The following NRXN1 variants were observed in gnomAD, a reference collection of about 807,000 sequenced individuals.
NRXN1 encodes the protein neurexin 1, also known as neurexin-1.
A neutral mutation model predicts 150.9 loss-of-function variants in NRXN1; 39 were observed. That is an observed-to-expected ratio of 0.26 (90% CI 0.20 to 0.34). The LOEUF (loss-of-function observed/expected upper bound fraction) is 0.34, where lower values mean the gene tolerates loss of function less well. NRXN1 is among the 10% of genes least tolerant of loss of function. NRXN1 has a pLI of 1.00. For missense variants in NRXN1, 1,815 were observed against 1,949.9 expected (o/e 0.93, Z 1.30); for synonymous variants, 924 against 757.0 (o/e 1.22, Z -3.62).
intron 5 of NRXN1, among the ~76,000 whole-genome samples, chr2:50,899,929 A>G (rs911095625): frequency 1.3e-5 from 2 of 152,192 alleles, no homozygotes; most frequent in Non-Finnish European, 2.9e-5. Flanking sequence ...GTCATGGGAG[A>G]TACAGAAGAT....
chr2:50,477,586 G>T (rs553292806), intron 15 of NRXN1, among the ~76,000 whole-genome samples: 88 of 152,324 alleles, frequency 5.8e-4, no homozygotes, highest in Non-Finnish European at 3.7e-4. Flanking sequence ...GAATGCAAGT[G>T]TCAAGGTATA....
At chr2:50,573,974 A>G (rs898430030) in intron 8 of NRXN1, among the ~76,000 whole-genome samples, 6 of 152,052 alleles carry the variant, frequency 3.9e-5, no homozygotes, top group African/African-American at 1.4e-4. Flanking sequence ...GGGTCATGGA[A>G]CCAATCCCCC....
intron 17 of NRXN1, among the ~76,000 whole-genome samples, chr2:50,354,554 C>CATACATATATATATATATATATAT (rs1553484596): frequency 1.0e-5 from 1 of 100,132 alleles, no homozygotes; most frequent in Non-Finnish European, 2.0e-5. Flanking sequence ...AGAGTGCATA[C>CATACATATATATATATATATATAT]ATATATATAT....
chr2:50,220,000 AT>A (rs1178135731), intron 18 of NRXN1, among the ~76,000 whole-genome samples: 3 of 39,374 alleles, frequency 7.6e-5, no homozygotes, highest in African/African-American at 3.6e-4. Flanking sequence ...TATAATATAT[AT>A]TATATAATAT....
intron 18 of NRXN1, among the ~76,000 whole-genome samples, chr2:50,220,763 C>T (rs934770641): frequency 6.6e-6 from 1 of 151,810 alleles, no homozygotes; most frequent in Non-Finnish European, 1.5e-5. Context: ...CAGACACAAG[C>T]AATTAAAGGA....
At chr2:50,358,507 G>A (rs1046702716) in intron 17 of NRXN1, among the ~76,000 whole-genome samples, 6 of 152,196 alleles carry the variant, frequency 3.9e-5, no homozygotes, top group African/African-American at 9.6e-5. Flanking sequence ...CCACAAAGCC[G>A]CTATAGCCAG....
chr2:50,002,925 T>A (rs1473747093), intron 21 of NRXN1, among the ~76,000 whole-genome samples: 1 of 152,100 alleles, frequency 6.6e-6, no homozygotes, highest in Non-Finnish European at 1.5e-5. Context: ...ATGACAGTAA[T>A]GTTACAAAAC....
intron 5 of NRXN1, among the ~76,000 whole-genome samples, chr2:50,882,743 T>A (rs953133077): frequency 2.0e-5 from 3 of 151,814 alleles, no homozygotes; most frequent in African/African-American, 7.2e-5. Context: ...TTCTTAGAAA[T>A]TCCTTCAACC....
At chr2:50,270,667 GA>G (rs2069476320) in intron 17 of NRXN1, among the ~76,000 whole-genome samples, 3 of 132,778 alleles carry the variant, frequency 2.3e-5, no homozygotes, top group Non-Finnish European at 4.7e-5. Context: ...AATGCATATA[GA>G]TATAGTTTTT....
intron 8 of NRXN1, chr2:50,616,149 T>C (rs1014466221): frequency 1.3e-5 from 2 of 152,160 alleles, no homozygotes; most frequent in African/African-American, 4.8e-5. Flanking sequence ...TTCCCAGACT[T>C]TGATTTACTT....
At chr2:50,983,486 T>C (rs1336054234) in intron 2 of NRXN1, among the ~76,000 whole-genome samples, 1 of 152,092 alleles carries the variant, frequency 6.6e-6, no homozygotes, top group African/African-American at 2.4e-5. Flanking sequence ...CCTTAGTCTT[T>C]TCTTACTATA....
At chr2:50,165,607 C>A (rs2059632499) in intron 18 of NRXN1, among the ~76,000 whole-genome samples, 1 of 152,158 alleles carries the variant, frequency 6.6e-6, no homozygotes, top group Non-Finnish European at 1.5e-5. Flanking sequence ...CCTCAGCCTC[C>A]CGAAGTGCTG....
rs58114667 is a variant in NRXN1 at position 50,155,429 on chromosome 2, GAA to G, written c.3547-63937_3547-63936del. ...AAATCTGCTACCCAAGAACAATTAAGAAAAAAAAAAAGAAGAAAGGAGGGACG... is the reference window on the plus strand; with the variant it reads ...AAATCTGCTACCCAAGAACAATTAAGAAAAAAAAAGAAGAAAGGAGGGACG... On this transcript the variant is annotated intron_variant, in intron 18 of 22. Coordinates refer to ENST00000401669, the MANE Select transcript of NRXN1 (RefSeq NM_001330078.2). 5.6e-4 allele frequency among the ~76,000 whole-genome samples: 78 copies of G among 138,562 alleles called. No individual in the cohort carries two copies. In the East Asian group the frequency reaches 0.013, roughly 24 times the overall value. The allele number at this position is 138,562 out of a possible 152,430, so 90.9% of individuals were successfully genotyped here.
chr2:50,813,224 G>A (rs1422883446), intron 5 of NRXN1, among the ~76,000 whole-genome samples: 3 of 151,784 alleles, frequency 2.0e-5, no homozygotes, highest in African/African-American at 7.3e-5. Context: ...GCTTAAATAT[G>A]CATAATCTCA....
intron 17 of NRXN1, among the ~76,000 whole-genome samples, chr2:50,342,420 A>G (rs747281885): frequency 6.6e-6 from 1 of 152,272 alleles, no homozygotes; most frequent in Non-Finnish European, 1.5e-5. Context: ...TGGGTCACAC[A>G]TATGAATTCA....
chr2:50,917,499 T>C (rs1242140055), intron 5 of NRXN1: 1 of 151,780 alleles, frequency 6.6e-6, no homozygotes, highest in Non-Finnish European at 1.5e-5. Context: ...GTGATCTGAA[T>C]GTTGTATCTT....
chr2:50,886,163 A>T (rs1418156113), intron 5 of NRXN1, among the ~76,000 whole-genome samples: 1 of 151,370 alleles, frequency 6.6e-6, no homozygotes, highest in Non-Finnish European at 1.5e-5. Flanking sequence ...TGTGAAACCA[A>T]ACACAAAGGT....
chr2:50,623,631 T>A lies in NRXN1; in HGVS notation c.833-16A>T, dbSNP rs762719278. 12 of 1,582,036 alleles carry A rather than the reference T, an allele frequency of 7.6e-6. No homozygotes were observed. The highest frequency in any genetic ancestry group is 6.9e-6 in the Non-Finnish European group (8 of 1,154,588). On this transcript the variant is annotated splice_polypyrimidine_tract_variant and intron_variant, in intron 5 of 22. Coordinates refer to ENST00000401669, the MANE Select transcript of NRXN1 (RefSeq NM_001330078.2). Reference sequence around the variant, plus strand: ...TCTTCTTTTCCTAGAGGAAAACAGATGATACATACATAAGTAAACAAATAC... The same window carrying A: ...TCTTCTTTTCCTAGAGGAAAACAGAAGATACATACATAAGTAAACAAATAC...
chr2:49,935,939 G>A (rs968867167), intron 22 of NRXN1, among the ~76,000 whole-genome samples: 1 of 152,124 alleles, frequency 6.6e-6, no homozygotes, highest in Non-Finnish European at 1.5e-5. Context: ...TGTGCATCTT[G>A]TTATCTTCTT....
Sources: allele counts gnomAD v4.1 joint callset (sites outside exome capture counted in the v4.1 genomes callset), GRCh38; gene constraint gnomAD v4.1.1; transcripts MANE v1.5; gene names NCBI Gene and HGNC (gene_info 2026-07-23, HGNC 2026-07-21).